RGS6: variants seen among roughly 807,000 people sequenced by gnomAD.
RGS6 encodes the protein regulator of G protein signaling 6, also known as regulator of G-protein signaling 6.
A neutral mutation model predicts 78.5 loss-of-function variants in RGS6; 30 were observed. The ratio of observed to expected loss-of-function variants is 0.38; its 90% CI spans 0.29 to 0.52. The LOEUF (loss-of-function observed/expected upper bound fraction) is 0.52. RGS6 is among the 20% of genes least tolerant of loss of function. The pLI is 0.85. For missense variants in RGS6, 495 were observed against 609.7 expected (o/e 0.81, Z 1.98); for synonymous variants, 206 against 206.0 (o/e 1.00, Z 0.00).
intron 3 of RGS6, among the ~76,000 whole-genome samples, chr14:72,392,474 T>C (rs1452939470): frequency 6.6e-6 from 1 of 151,964 alleles, no homozygotes; most frequent in Non-Finnish European, 1.5e-5. Flanking sequence ...CCGGCTCCCA[T>C]CATCACAGAC....
the RGS6 span, among the ~76,000 whole-genome samples, chr14:72,616,144 T>C: frequency 1.4e-4 from 21 of 152,308 alleles, no homozygotes; most frequent in South Asian, 4.4e-3. Flanking sequence ...CCATGCTGGA[T>C]AGGCCATGTT....
chr14:72,018,868 T>C (rs1350150317), intron 2 of RGS6, among the ~76,000 whole-genome samples: 2 of 152,244 alleles, frequency 1.3e-5, no homozygotes, highest in Non-Finnish European at 2.9e-5. Context: ...TGGCACCTGG[T>C]AATTTCTTCT....
intron 2 of RGS6, among the ~76,000 whole-genome samples, chr14:72,137,412 C>G (rs2096462066): frequency 6.6e-6 from 1 of 152,208 alleles, no homozygotes; most frequent in East Asian, 1.9e-4. Flanking sequence ...CTAACACTGT[C>G]TACCTGGAGA....
chr14:72,246,754 A>G (rs2054308752), intron 2 of RGS6, among the ~76,000 whole-genome samples: 1 of 152,134 alleles, frequency 6.6e-6, no homozygotes, highest in Admixed American at 6.5e-5. Flanking sequence ...TACTAAAAAT[A>G]CAAAACTTAG....
chr14:72,540,014 C>A, intron 16 of RGS6, 27 bp from the exon 17 acceptor site: 1 of 1,534,214 alleles, frequency 6.5e-7, no homozygotes, highest in Non-Finnish European at 8.7e-7. Flanking sequence ...GTATTTTTCT[C>A]CCTACCCTTT....
intron 2 of RGS6, among the ~76,000 whole-genome samples, chr14:71,994,222 C>G (rs546856030): frequency 1.3e-5 from 2 of 152,070 alleles, no homozygotes; most frequent in African/African-American, 4.8e-5. Context: ...CTCAGTCTCC[C>G]GCTGTTAGAA....
At chr14:72,299,438 C>A (rs1272105750) in intron 2 of RGS6, among the ~76,000 whole-genome samples, 1 of 152,216 alleles carries the variant, frequency 6.6e-6, no homozygotes, top group Non-Finnish European at 1.5e-5. Context: ...CTGCTGTTAA[C>A]ATTCATGTAC....
At chr14:71,945,542 A>G in intron 1 of RGS6, among the ~76,000 whole-genome samples, 1 of 152,242 alleles carries the variant, frequency 6.6e-6, no homozygotes, top group East Asian at 1.9e-4. Flanking sequence ...TGTACATTAC[A>G]CAGATAGAAA....
chr14:72,108,941 A>T (rs1217671654), intron 2 of RGS6, among the ~76,000 whole-genome samples: 4 of 152,056 alleles, frequency 2.6e-5, no homozygotes, highest in Non-Finnish European at 4.4e-5. Context: ...TTAAGCAATA[A>T]TGTGTGGAAT....
the RGS6 span, among the ~76,000 whole-genome samples, chr14:72,583,139 C>G: frequency 6.6e-6 from 1 of 152,062 alleles, no homozygotes; most frequent in East Asian, 1.9e-4. Context: ...AGCAGTCCCC[C>G]GGGTCTCAGG....
chr14:72,611,558 C>T, the RGS6 span, among the ~76,000 whole-genome samples: 4 of 152,114 alleles, frequency 2.6e-5, no homozygotes, highest in South Asian at 4.1e-4. Context: ...GGGAAAAGAC[C>T]ACTGTGGGGG....
intron 16 of RGS6, among the ~76,000 whole-genome samples, chr14:72,539,211 C>T (rs1374577788): frequency 6.6e-6 from 1 of 152,210 alleles, no homozygotes; most frequent in African/African-American, 2.4e-5. Context: ...CATTCAAGGG[C>T]TTTGCCTCTC....
At chr14:72,138,031 G>C (rs1022966544) in intron 2 of RGS6, among the ~76,000 whole-genome samples, 2 of 152,088 alleles carry the variant, frequency 1.3e-5, no homozygotes, top group African/African-American at 4.8e-5. Context: ...TATACAAAAG[G>C]ACGCTTATTT....
At chr14:71,972,746 C>G (rs2093888432) in intron 2 of RGS6, among the ~76,000 whole-genome samples, 1 of 152,020 alleles carries the variant, frequency 6.6e-6, no homozygotes, top group Non-Finnish European at 1.5e-5. Flanking sequence ...AAATGATGCC[C>G]AAATCAGTGG....
chr14:72,546,605 C>T (rs901683564), intron 17 of RGS6, among the ~76,000 whole-genome samples: 2 of 152,212 alleles, frequency 1.3e-5, no homozygotes, highest in African/African-American at 4.8e-5. Flanking sequence ...GACTCACCTT[C>T]TGGACATGTG....
At chr14:72,293,589 T>C (rs1482721918) in intron 2 of RGS6, among the ~76,000 whole-genome samples, 1 of 152,106 alleles carries the variant, frequency 6.6e-6, no homozygotes, top group African/African-American at 2.4e-5. Flanking sequence ...AGGATCCATA[T>C]ATTCTTAGAA....
intron 3 of RGS6, among the ~76,000 whole-genome samples, chr14:72,451,297 A>G (rs1377257341): frequency 6.6e-6 from 1 of 152,218 alleles, no homozygotes; most frequent in South Asian, 2.1e-4. Flanking sequence ...TGTGGTCTCC[A>G]TGGGGCTAGG....
At chr14:72,286,577 T>C (rs1030831537) in intron 2 of RGS6, among the ~76,000 whole-genome samples, 3 of 152,136 alleles carry the variant, frequency 2.0e-5, no homozygotes, top group African/African-American at 7.2e-5. Flanking sequence ...GGGGAAAGCA[T>C]GGAGCCTGTA....
intron 3 of RGS6, among the ~76,000 whole-genome samples, chr14:72,371,848 C>T (rs569391098): frequency 9.9e-5 from 15 of 152,268 alleles, no homozygotes; most frequent in African/African-American, 2.9e-4. Context: ...GTAGCTGACC[C>T]GGGATCACTG....
Sources: gnomAD v4.1 joint callset for allele counts (sites outside exome capture counted in the v4.1 genomes callset) on GRCh38, gnomAD v4.1.1 for gene constraint, MANE v1.5 for transcripts, NCBI Gene and HGNC (gene_info 2026-07-23, HGNC 2026-07-21) for gene names.